Variants in ULK4 observed in about 807,000 individuals in gnomAD.
The protein encoded by ULK4 is inactive serine/threonine-protein kinase ULK4.
In ULK4, 133 loss-of-function variants were observed where a neutral mutation model predicts 160.6. The ratio of observed to expected loss-of-function variants is 0.83; its 90% CI spans 0.72 to 0.96. The LOEUF is 0.96. Among genes scored for constraint, ULK4 ranks in the 40% least tolerant of loss-of-function variants. The pLI, the probability that ULK4 is intolerant of heterozygous loss-of-function variation, is 0.00. For synonymous variants in ULK4, 534 were observed against 539.8 expected (o/e 0.99, Z 0.15); for missense variants, 1,580 against 1,499.5 (o/e 1.05, Z -0.89).
At chr3:41,632,889 G>A (rs1306699275) in intron 30 of ULK4, among the ~76,000 whole-genome samples, 2 of 152,126 alleles carry the variant, frequency 1.3e-5, no homozygotes, top group Admixed American at 6.6e-5. Context: ...ATTCTACAGG[G>A]TAGGTACAGC....
At chr3:41,843,081 A>G (rs190869630) in intron 17 of ULK4, among the ~76,000 whole-genome samples, 1 of 152,360 alleles carries the variant, frequency 6.6e-6, no homozygotes, top group East Asian at 1.9e-4. Flanking sequence ...ACCTTCTAGA[A>G]GAAAATATAG....
rs1699612005 is a variant in ULK4, at chr3:41,931,760, A to G, written c.541+84T>C. ...AATATCTTATTTGAGTGGCAAAACAAAAGACTGACATTGTCTCCTAAACAC... is the reference window on the plus strand; with the variant it reads ...AATATCTTATTTGAGTGGCAAAACAGAAGACTGACATTGTCTCCTAAACAC... On this transcript the variant is annotated intron_variant, in intron 5 of 36. Coordinates refer to ENST00000301831, the MANE Select transcript of ULK4 (RefSeq NM_017886.4). 6 of 1,502,328 alleles carry G rather than the reference A, an allele frequency of 4.0e-6. No individual in the cohort carries two copies. The South Asian group carries it at 5.0e-5, about 13-fold the overall frequency. 93.1% of individuals were successfully genotyped at this position (1,502,328 alleles called of 1,614,324 possible).
intron 5 of ULK4, among the ~76,000 whole-genome samples, chr3:41,929,803 G>A (rs1445294883): frequency 6.6e-6 from 1 of 152,056 alleles, no homozygotes; most frequent in African/African-American, 2.4e-5. Context: ...ACCTCTTCAA[G>A]GAGACTACAA....
At chr3:41,954,866 C>T (rs1321198023) in intron 1 of ULK4, 59 bp from the exon 2 acceptor site, 37 of 1,142,410 alleles carry the variant, frequency 3.2e-5, no homozygotes, top group Non-Finnish European at 4.1e-5. Flanking sequence ...ATTAATTAGC[C>T]TAGGATAATT....
intron 22 of ULK4, among the ~76,000 whole-genome samples, chr3:41,724,536 A>G (rs1314829944): frequency 6.6e-6 from 1 of 152,074 alleles, no homozygotes. Context: ...CATCCTGGCT[A>G]ACACAGTGAA....
intron 34 of ULK4, among the ~76,000 whole-genome samples, chr3:41,449,231 A>C (rs1302265274): frequency 7.0e-6 from 1 of 143,312 alleles, no homozygotes; most frequent in Non-Finnish European, 1.5e-5. Context: ...AGTTTTATTT[A>C]AAAATTTTTT....
intron 32 of ULK4, among the ~76,000 whole-genome samples, chr3:41,534,516 C>CAAAAAAA (rs11381017): frequency 5.5e-4 from 78 of 142,134 alleles, no homozygotes; most frequent in African/African-American, 1.9e-3. Flanking sequence ...AATGTTTAAG[C>CAAAAAAA]AAAAAAAAAA....
intron 32 of ULK4, among the ~76,000 whole-genome samples, chr3:41,476,685 G>A (rs1187917643): frequency 1.3e-5 from 2 of 151,818 alleles, no homozygotes; most frequent in Non-Finnish European, 1.5e-5. Context: ...GTAGTTACCT[G>A]TGGCTTAGAT....
At chr3:41,950,846 T>C (rs757036252) in intron 2 of ULK4, among the ~76,000 whole-genome samples, 25 of 151,856 alleles carry the variant, frequency 1.6e-4, no homozygotes, top group Non-Finnish European at 2.8e-4. Context: ...GAAAGAAATT[T>C]TTAAAAGACA....
intron 34 of ULK4, among the ~76,000 whole-genome samples, chr3:41,454,294 A>AT (rs1474980047): frequency 4.0e-5 from 6 of 150,620 alleles, no homozygotes; most frequent in African/African-American, 7.3e-5. Context: ...AATCCCAGCA[A>AT]TTTGGGAGGC....
At chr3:41,261,752 G>A (rs1199443042) in intron 35 of ULK4, among the ~76,000 whole-genome samples, 2 of 152,198 alleles carry the variant, frequency 1.3e-5, no homozygotes, top group African/African-American at 4.8e-5. Flanking sequence ...CTTGACCAAA[G>A]GAGTCTGTGG....
At chr3:41,920,563 T>C (rs1198442362) in intron 5 of ULK4, among the ~76,000 whole-genome samples, 1 of 152,156 alleles carries the variant, frequency 6.6e-6, no homozygotes, top group Non-Finnish European at 1.5e-5. Context: ...ATCACACAGC[T>C]AGGCAGTTGC....
rs542863314 is a variant in ULK4 at position 41,842,193 on chromosome 3, A to C, written c.1657-6222T>G. Among the ~76,000 whole-genome samples, 16 of 132,020 alleles carry C rather than the reference A, an allele frequency of 1.2e-4. No homozygotes were observed. The East Asian group carries it at 3.1e-3, about 26-fold the overall frequency. The allele number at this position is 132,020 out of a possible 152,430, so 86.6% of individuals were successfully genotyped here. On this transcript the variant is annotated intron_variant, in intron 17 of 36. Coordinates refer to ENST00000301831, the MANE Select transcript of ULK4 (RefSeq NM_017886.4). ...AATGAACATGTAAAAAAAAAAATAA[A>C]AAAAAAGAAGACTAAGGTGGGAGGA... is the stretch of plus-strand genomic sequence containing the variant.
intron 35 of ULK4, among the ~76,000 whole-genome samples, chr3:41,326,803 C>T (rs914280237): frequency 2.0e-5 from 3 of 152,120 alleles, no homozygotes; most frequent in African/African-American, 7.2e-5. Flanking sequence ...TTCAGAGGGA[C>T]ACAGTAAAAG....
intron 27 of ULK4, among the ~76,000 whole-genome samples, chr3:41,690,581 C>T (rs565564892): frequency 1.4e-4 from 21 of 151,760 alleles, no homozygotes; most frequent in African/African-American, 4.8e-4. Flanking sequence ...TTTCTGCCTC[C>T]TTTCCTCTTT....
chr3:41,528,553 A>G (rs761407266), intron 32 of ULK4, among the ~76,000 whole-genome samples: 2 of 152,210 alleles, frequency 1.3e-5, no homozygotes, highest in Non-Finnish European at 2.9e-5. Context: ...CAATCAGGAA[A>G]CCAAGTAAAT....
intron 35 of ULK4, among the ~76,000 whole-genome samples, chr3:41,288,602 T>C (rs945144072): frequency 2.0e-5 from 3 of 152,226 alleles, no homozygotes; most frequent in African/African-American, 7.2e-5. Flanking sequence ...CAGGCAGGCT[T>C]TGAAACCCTG....
intron 17 of ULK4, among the ~76,000 whole-genome samples, chr3:41,851,507 A>G (rs1266095408): frequency 1.1e-3 from 170 of 151,794 alleles, no homozygotes; most frequent in African/African-American, 3.9e-3. Context: ...TTTTGCATCG[A>G]TGTTCATCAG....
intron 34 of ULK4, among the ~76,000 whole-genome samples, chr3:41,436,057 A>T (rs1195435113): frequency 1.3e-5 from 2 of 152,248 alleles, no homozygotes; most frequent in Non-Finnish European, 2.9e-5. Flanking sequence ...GGAAAGCGAT[A>T]CGCATTCAGT....
Sources: gnomAD v4.1 joint callset for allele counts (sites outside exome capture counted in the v4.1 genomes callset) on GRCh38, gnomAD v4.1.1 for gene constraint, MANE v1.5 for transcripts, NCBI Gene and HGNC (gene_info 2026-07-23, HGNC 2026-07-21) for gene names.